Variants in TOGARAM2 observed in about 807,000 individuals in gnomAD.
The protein encoded by TOGARAM2 is TOG array regulator of axonemal microtubules 2.
TOGARAM2 carries 85 observed loss-of-function variants against 93.3 expected under a neutral mutation model. The ratio of observed to expected loss-of-function variants is 0.91; its 90% confidence interval spans 0.76 to 1.09. The LOEUF (loss-of-function observed/expected upper bound fraction) is 1.09. Among genes scored for constraint, TOGARAM2 ranks in the 50% least tolerant of loss-of-function variants. The pLI, the probability that TOGARAM2 is intolerant of heterozygous loss-of-function variation, is 0.00. For synonymous variants in TOGARAM2, 593 were observed against 552.8 expected (o/e 1.07, Z -1.02); for missense variants, 1,277 against 1,334.5 (o/e 0.96, Z 0.67).
intron 1 of TOGARAM2, among the ~76,000 whole-genome samples, chr2:28,961,881 A>C (rs1671808902): frequency 6.6e-6 from 1 of 152,164 alleles, no homozygotes; most frequent in Non-Finnish European, 1.5e-5. Context: ...GCTTCATATA[A>C]ATAACATCAT....
chr2:29,044,190 G>T (rs1453716162), intron 18 of TOGARAM2, among the ~76,000 whole-genome samples: 1 of 152,328 alleles, frequency 6.6e-6, no homozygotes, highest in Middle Eastern at 3.4e-3. Flanking sequence ...CTGGGATTGG[G>T]GGCGGGCACA....
In TOGARAM2 at chr2:29,036,613, G is replaced by A. The variant is rs535137926; in HGVS notation, c.2491G>A (p.Ala831Thr). 138 of 1,613,888 alleles carry A rather than the reference G, an allele frequency of 8.6e-5. No individual in the cohort carries two copies. The highest frequency in any genetic ancestry group is 1.6e-4 in the Middle Eastern group (1 of 6,062). The change falls in exon 18 of 20, where the codon GCC becomes ACC. Residue 831 changes from alanine to threonine, a missense_variant. By Grantham distance (58) the Ala-to-Thr change is moderately conservative (BLOSUM62 0). Coordinates refer to ENST00000379558, the MANE Select transcript of TOGARAM2 (RefSeq NM_199280.4). ...GAACCAGTGGGCGCTGGAGTCCTTC[G>A]CCAAGATGATCCCCCTCCTCAGAGA... ...KVNQWALESF[A>T]KMIPLLRESL... is the part of the protein sequence containing the mutation.
Position 29,052,090 on chromosome 2 carries a change from T to C in TOGARAM2, c.3057T>C (p.Asp1019=). 1 of 1,560,328 alleles carries C rather than the reference T, an allele frequency of 6.4e-7. No homozygotes were observed. Among genetic ancestry groups the C allele is most frequent in the Non-Finnish European group, 8.7e-7 (1 of 1,151,028 alleles). ...GCAGCTCATACCCTTTTCAGCTGGA[T>C]TAAAGATGGATCTGAAATGGGCAAT... ...TTGSSYPFQL[D] is the part of the protein sequence containing the mutation. The change falls in exon 20 of 20, where the codon GAT becomes GAC. Residue 1019 remains aspartate, a synonymous_variant. Coordinates refer to ENST00000379558, the MANE Select transcript of TOGARAM2 (RefSeq NM_199280.4).
chr2:29,015,974 C>T (rs1409408156), intron 8 of TOGARAM2, among the ~76,000 whole-genome samples: 1 of 152,186 alleles, frequency 6.6e-6, no homozygotes, highest in African/African-American at 2.4e-5. Context: ...CCCACACCTC[C>T]CTCGCCAGCC....
At chr2:28,986,206 C>A (rs921758812) in intron 1 of TOGARAM2, among the ~76,000 whole-genome samples, 3 of 151,790 alleles carry the variant, frequency 2.0e-5, no homozygotes, top group African/African-American at 7.3e-5. Context: ...AACATGGCAG[C>A]CCTGCTTGTC....
intron 1 of TOGARAM2, among the ~76,000 whole-genome samples, chr2:28,988,584 T>A (rs1672569871): frequency 6.6e-6 from 1 of 152,012 alleles, no homozygotes; most frequent in African/African-American, 2.4e-5. Context: ...CGCTCTAGAA[T>A]CTCCTACCCT....
At chr2:28,983,198 A>ATTTTTTTTT (rs57949744) in intron 1 of TOGARAM2, among the ~76,000 whole-genome samples, 1 of 56,622 alleles carries the variant, frequency 1.8e-5, no homozygotes, top group Non-Finnish European at 2.9e-5. Context: ...ATATATATAT[A>ATTTTTTTTT]TTTTTTTTTT....
At chr2:29,013,795 A>G (rs2148327999) in intron 7 of TOGARAM2, among the ~76,000 whole-genome samples, 1 of 152,330 alleles carries the variant, frequency 6.6e-6, no homozygotes, top group Non-Finnish European at 1.5e-5. Flanking sequence ...TCAAAGGTCG[A>G]TCTCCTCTGG....
intron 1 of TOGARAM2, among the ~76,000 whole-genome samples, chr2:28,983,177 A>AATATATATATATATATATATATATAT (rs1553334840): frequency 3.1e-5 from 1 of 32,388 alleles, no homozygotes; most frequent in African/African-American, 1.3e-4. Flanking sequence ...TGTATATATA[A>AATATATATATATATATATATATATAT]ATATATATAT....
At chr2:28,968,191 C>G (rs1227918206) in intron 1 of TOGARAM2, among the ~76,000 whole-genome samples, 1 of 152,162 alleles carries the variant, frequency 6.6e-6, no homozygotes, top group Non-Finnish European at 1.5e-5. Context: ...AGCAATGTTA[C>G]AAAACTAGCT....
chr2:28,973,441 C>CCCTTCCTT (rs146889949), intron 1 of TOGARAM2, among the ~76,000 whole-genome samples: 1 of 39,070 alleles, frequency 2.6e-5, no homozygotes, highest in Non-Finnish European at 6.4e-5. Flanking sequence ...CCTTCCCTTC[C>CCCTTCCTT]CCTTCCTTCC....
At chr2:28,977,666 A>C (rs2148229186), upstream of TOGARAM2, among the ~76,000 whole-genome samples, 1 of 152,286 alleles carries the variant, frequency 6.6e-6, no homozygotes, top group East Asian at 1.9e-4. Flanking sequence ...CGCTGGTTCC[A>C]GAGATATAAG....
At chr2:28,994,990 GC>G in intron 2 of TOGARAM2, 128 bp downstream of exon 2, 1 of 1,194,174 alleles carries the variant, frequency 8.4e-7, no homozygotes, top group Non-Finnish European at 1.2e-6. Context: ...CAGCCAGGTG[GC>G]CGTGCCTTTC....
At chr2:29,005,507 TTG>T (rs147114163) in intron 6 of TOGARAM2, among the ~76,000 whole-genome samples, 4 of 136,890 alleles carry the variant, frequency 2.9e-5, no homozygotes, top group Non-Finnish European at 6.2e-5. Context: ...GTGCATGTGT[TTG>T]TGTAACTACG....
intron 19 of TOGARAM2, chr2:29,049,245 C>T (rs1384129252): frequency 6.6e-6 from 1 of 152,186 alleles, no homozygotes; most frequent in Non-Finnish European, 1.5e-5. Context: ...AAGTGATCCA[C>T]CCACCTGGGA....
intron 8 of TOGARAM2, among the ~76,000 whole-genome samples, chr2:29,015,197 T>TG (rs1664487651): frequency 2.0e-5 from 3 of 151,930 alleles, no homozygotes; most frequent in Non-Finnish European, 4.4e-5. Flanking sequence ...TGGGTGACTG[T>TG]TAAATCAGCA....
At chr2:29,013,790 G>T (rs1307171983) in intron 7 of TOGARAM2, among the ~76,000 whole-genome samples, 1 of 152,198 alleles carries the variant, frequency 6.6e-6, no homozygotes, top group East Asian at 1.9e-4. Context: ...CTGACTCAAA[G>T]GTCGATCTCC....
chr2:28,958,582 G>A lies in TOGARAM2; in HGVS notation c.-147+1885G>A, dbSNP rs112396443. On this transcript the variant is annotated intron_variant, in intron 1 of 6. Transcript: ENST00000401723. ...CTCCCCAAATGCTGGGATTACAGGC[G>A]TGAGCCACTACAGCGGGCTGACATT... Among the ~76,000 whole-genome samples the A allele has an allele frequency of 4.0e-3, 607 of 152,246 alleles. 4 individuals carry two copies. The highest frequency in any genetic ancestry group is 0.015 in the South Asian group (70 of 4,824).
intron 6 of TOGARAM2, among the ~76,000 whole-genome samples, chr2:29,010,644 C>G (rs1036853424): frequency 1.3e-5 from 2 of 151,226 alleles, no homozygotes; most frequent in African/African-American, 2.4e-5. Flanking sequence ...TGTCAGCCCC[C>G]CAGTGGGTCC....
Sources: allele counts gnomAD v4.1 joint callset (sites outside exome capture counted in the v4.1 genomes callset), GRCh38; gene constraint gnomAD v4.1.1; transcripts MANE v1.5; gene names NCBI Gene and HGNC (gene_info 2026-07-23, HGNC 2026-07-21).